ZNF330: variants seen among roughly 807,000 people sequenced by gnomAD.
ZNF330 encodes the protein zinc finger protein 330.
Under a neutral mutation model 45.5 loss-of-function variants are expected in ZNF330, and 31 were observed. That is an observed-to-expected ratio of 0.68 (90% CI 0.51 to 0.92). The LOEUF is 0.92. Ranked by LOEUF, ZNF330 falls within the 40% of genes least tolerant of loss-of-function variation. The pLI, the probability that ZNF330 is intolerant of heterozygous loss-of-function variation, is 0.00. For synonymous variants in ZNF330, 138 were observed against 123.2 expected (o/e 1.12, Z -0.79); for missense variants, 356 against 387.4 (o/e 0.92, Z 0.68).
At chr4:141,228,191 G>C (rs1036218772) in intron 5 of ZNF330, among the ~76,000 whole-genome samples, 1 of 152,092 alleles carries the variant, frequency 6.6e-6, no homozygotes, top group Admixed American at 6.5e-5. Flanking sequence ...TTTATTTTAA[G>C]TATAGGATTG....
chr4:141,230,943 T>G (rs1435129680), intron 7 of ZNF330, among the ~76,000 whole-genome samples: 1 of 152,116 alleles, frequency 6.6e-6, no homozygotes, highest in Non-Finnish European at 1.5e-5. Flanking sequence ...ACTTGGCATT[T>G]AAAAAGCCCT....
intron 5 of ZNF330, among the ~76,000 whole-genome samples, chr4:141,227,112 G>C (rs1231791238): frequency 2.0e-5 from 3 of 149,742 alleles, no homozygotes; most frequent in African/African-American, 2.5e-5. Context: ...TTTCTCAGTG[G>C]TACCTTTTTT....
chr4:141,222,554 A>C (rs976625499), intron 2 of ZNF330, 63 bp downstream of exon 2: 1 of 1,522,966 alleles, frequency 6.6e-7, no homozygotes, highest in Non-Finnish European at 8.9e-7. Flanking sequence ...TATCTGACGT[A>C]TACCTGAATA....
At chr4:141,221,793 A>T (rs1489978486) in intron 1 of ZNF330, among the ~76,000 whole-genome samples, 3 of 66,600 alleles carry the variant, frequency 4.5e-5, no homozygotes, top group African/African-American at 4.3e-4. Flanking sequence ...CATTTGTTAA[A>T]GTCAGAGCAA....
chr4:141,226,628 T>C (rs1186275034), intron 4 of ZNF330, 139 bp from the exon 5 acceptor site: 4 of 587,820 alleles, frequency 6.8e-6, no homozygotes, highest in Non-Finnish European at 9.1e-6. Flanking sequence ...TCTAGTTATG[T>C]AAGCAGTAAA....
At position 141,232,516 on chromosome 4, in the gene ZNF330, C is replaced by A. The variant is rs745452039; in HGVS notation, c.571-9C>A. 8 of 1,489,508 alleles carry A rather than the reference C, an allele frequency of 5.4e-6. No individual in the cohort carries two copies. Among genetic ancestry groups the A allele is most frequent in the Non-Finnish European group, 4.5e-6 (5 of 1,106,312 alleles). 92.3% of individuals were successfully genotyped at this position (1,489,508 alleles called of 1,614,324 possible). On this transcript the variant is annotated splice_polypyrimidine_tract_variant and intron_variant, in intron 8 of 9. Transcript: ENST00000262990. ...TATTTATTTACTTTATTTTGCTTCT[C>A]CTATACAGGCTTGTTTCTGTGATGA...
At chr4:141,233,680 TA>T in intron 9 of ZNF330, 34 bp from the exon 10 acceptor site, 1 of 1,574,236 alleles carries the variant, frequency 6.4e-7, no homozygotes, top group East Asian at 2.3e-5. Context: ...GAACTGGAAC[TA>T]ACAAAATGCC....
At chr4:141,224,246 T>C (rs1298388737) in intron 2 of ZNF330, among the ~76,000 whole-genome samples, 2 of 152,200 alleles carry the variant, frequency 1.3e-5, no homozygotes, top group Non-Finnish European at 2.9e-5. Flanking sequence ...AAACTACCAA[T>C]GTATTTAGCC....
chr4:141,228,629 A>G (rs1728865932), intron 5 of ZNF330, among the ~76,000 whole-genome samples: 1 of 152,040 alleles, frequency 6.6e-6, no homozygotes, highest in Admixed American at 6.6e-5. Context: ...CTTTTTTGCA[A>G]GAACCCTGGC....
chr4:141,228,564 C>G (rs1560786824), intron 5 of ZNF330, among the ~76,000 whole-genome samples: 2 of 152,106 alleles, frequency 1.3e-5, no homozygotes. Flanking sequence ...TCCCTGTCCT[C>G]TGCAAATTAT....
At chr4:141,223,625 G>C (rs1436212005) in intron 2 of ZNF330, 1 of 416,788 alleles carries the variant, frequency 2.4e-6, no homozygotes, top group African/African-American at 2.0e-5. Context: ...AGATTACATA[G>C]CGCAGATGTG....
intron 7 of ZNF330, 118 bp downstream of exon 7, chr4:141,230,388 C>A: frequency 3.5e-6 from 2 of 569,768 alleles, no homozygotes; most frequent in Non-Finnish European, 6.0e-6. Flanking sequence ...TGTAATTTAA[C>A]TCAGTCTTTA....
intron 2 of ZNF330, among the ~76,000 whole-genome samples, chr4:141,223,493 A>G (rs992245123): frequency 6.6e-6 from 1 of 152,176 alleles, no homozygotes; most frequent in African/African-American, 2.4e-5. Context: ...TCATAGTTAC[A>G]GGTAGCTTGC....
chr4:141,230,287 T>C lies in ZNF330; in HGVS notation c.523+17T>C. ...CATTTAAATGTAAGTTTTTAAGTATTAGATGTTCTTTATACCCAAGATTCT... is the reference window on the plus strand; with the variant it reads ...CATTTAAATGTAAGTTTTTAAGTATCAGATGTTCTTTATACCCAAGATTCT... On this transcript the variant is annotated intron_variant, in intron 7 of 9. Transcript: ENST00000262990. The C allele has an allele frequency of 6.6e-7, 1 of 1,511,708 alleles. No homozygotes were observed. Among genetic ancestry groups the C allele is most frequent in the South Asian group, 1.2e-5 (1 of 86,366 alleles). 93.6% of individuals were successfully genotyped at this position (1,511,708 alleles called of 1,614,324 possible).
chr4:141,226,582 C>T (rs569678986), intron 4 of ZNF330, among the ~76,000 whole-genome samples, 185 bp from the exon 5 acceptor site: 34 of 152,042 alleles, frequency 2.2e-4, no homozygotes, highest in African/African-American at 7.0e-4. Flanking sequence ...AAGTCTGATT[C>T]GAGTAATGAA....
chr4:141,224,630 G>C lies in ZNF330; in HGVS notation c.164G>C (p.Cys55Ser). 6.2e-7 allele frequency: 1 copy of C among 1,613,496 alleles called. No homozygotes were observed. The highest frequency in any genetic ancestry group is 8.5e-7 in the Non-Finnish European group (1 of 1,179,620). ...AGGCGGCAGAAGAATAGAGCATTTTGCTACTTTTGTAATTCTGTACAGAAG... is the reference window on the plus strand; with the variant it reads ...AGGCGGCAGAAGAATAGAGCATTTTCCTACTTTTGTAATTCTGTACAGAAG... ...CQRRQKNRAFCYFCNSVQKLP... is the reference protein window; with the variant it reads ...CQRRQKNRAFSYFCNSVQKLP... Residue 55 changes from cysteine (C) to serine (S), a missense_variant, in exon 4 of 10, where the codon TGC (cysteine) becomes TCC (serine). Physicochemically the swap from Cys to Ser is moderately radical, Grantham distance 112. Transcript: ENST00000262990.
rs893742792 is a variant in ZNF330 at position 141,234,539 on chromosome 4, G to A, written c.*550G>A. 1 of 152,462 alleles carries A rather than the reference G, an allele frequency of 6.6e-6. No homozygotes were observed. The highest frequency in any genetic ancestry group is 1.5e-5 in the Non-Finnish European group (1 of 68,342). The allele number at this position is 152,462 out of a possible 1,614,324, so 9.4% of individuals were successfully genotyped here. A position where few individuals can be genotyped will look rare whatever the true frequency, so the allele number is the denominator to read the frequency against. ...ACTTATTCTTCTCTTTCTTCACAAT[G>A]TATGTCCTCAGTGGTACCTATTATT... On this transcript the variant is annotated 3_prime_UTR_variant, in exon 10 of 10. Transcript: ENST00000262990.
In ZNF330 at chr4:141,229,685, G is replaced by A. The variant is rs758074831; in HGVS notation, c.406G>A (p.Val136Met). 3.5e-5 allele frequency: 56 copies of A among 1,612,902 alleles called. No individual in the cohort carries two copies. The highest frequency in any genetic ancestry group is 3.3e-4 in the Middle Eastern group (2 of 6,074). The change falls in exon 6 of 10, where the codon GTG becomes ATG. Residue 136 changes from valine (V) to methionine (M), a missense_variant. By Grantham distance (21) the Val-to-Met change is conservative (BLOSUM62 1). Transcript: ENST00000262990. ...TGAGTGTGTTGAATGTGAACGAGGCGTGTGGGACCATGGTGAGTCATTAGA... is the reference window on the plus strand; with the variant it reads ...TGAGTGTGTTGAATGTGAACGAGGCATGTGGGACCATGGTGAGTCATTAGA... The part of the protein sequence containing the change: ...DAECVECERG[V>M]WDHGGRIFSC...
intron 2 of ZNF330, among the ~76,000 whole-genome samples, chr4:141,223,149 T>C (rs1358490098): frequency 6.6e-6 from 1 of 152,210 alleles, no homozygotes; most frequent in Non-Finnish European, 1.5e-5. Flanking sequence ...TTATTGTGCA[T>C]CTACTCTGTG....
Sources: gnomAD v4.1 joint callset for allele counts (sites outside exome capture counted in the v4.1 genomes callset) on GRCh38, gnomAD v4.1.1 for gene constraint, MANE v1.5 for transcripts, NCBI Gene and HGNC (gene_info 2026-07-23, HGNC 2026-07-21) for gene names.